The following SYNPO2L variants were observed in gnomAD, a reference collection of about 807,000 sequenced individuals.
The protein encoded by SYNPO2L is synaptopodin 2 like, also known as synaptopodin 2-like protein.
A neutral mutation model predicts 47.5 loss-of-function variants in SYNPO2L; 34 were observed. That is an observed-to-expected ratio of 0.72 (90% CI 0.54 to 0.95). SYNPO2L has a LOEUF of 0.95. Among genes scored for constraint, SYNPO2L ranks in the 40% least tolerant of loss-of-function variants. The probability of loss-of-function intolerance (pLI) is 0.00; values close to 1 mark genes in which losing one functional copy is unlikely to be tolerated. For missense variants in SYNPO2L, 1,246 were observed against 1,282.0 expected (o/e 0.97, Z 0.43); for synonymous variants, 536 against 524.9 (o/e 1.02, Z -0.29).
chr10:73,651,849 G>A (rs2081843331), intron 3 of SYNPO2L, among the ~76,000 whole-genome samples: 1 of 152,054 alleles, frequency 6.6e-6, no homozygotes, highest in South Asian at 2.1e-4. Context: ...GCCGAGGCGG[G>A]TGGATCACAA....
Position 73,655,993 on chromosome 10 carries a change from C to T in SYNPO2L, c.-71G>A. 1 of 1,337,056 alleles carries T rather than the reference C, an allele frequency of 7.5e-7. No homozygotes were observed. The highest frequency in any genetic ancestry group is 1.0e-6 in the Non-Finnish European group (1 of 980,030). 82.8% of individuals were successfully genotyped at this position (1,337,056 alleles called of 1,614,324 possible). ...GGAGAGAAGTTGAGGTGCTCGAACC[C>T]CGTCTGGGCTTCCTGTCCGGCTGTC... On this transcript the variant is annotated 5_prime_UTR_variant, in exon 1 of 4. Transcript: ENST00000394810.
chr10:73,647,054 C>T lies in SYNPO2L; in HGVS notation c.2598G>A (p.Glu866=), dbSNP rs1477575386. The T allele has an allele frequency of 8.1e-6, 13 of 1,613,754 alleles. No homozygotes were observed. Among genetic ancestry groups the T allele is most frequent in the Non-Finnish European group, 1.0e-5 (12 of 1,179,928 alleles). The part of the protein sequence containing the change: ...QLKTAMFCFD[E]VPPTPGPIAS... ...CGATAGGGCCAGGAGTCGGGGGAAC[C>T]TCATCAAAACAGAACATGGCAGTTT... Residue 866 remains glutamate, a synonymous_variant, in exon 4 of 4, where the codon GAG becomes GAA. Coordinates refer to ENST00000394810, the MANE Select transcript of SYNPO2L (RefSeq NM_001114133.3).
At chr10:73,650,587 CT>C (rs904287474) in intron 3 of SYNPO2L, 2 of 717,834 alleles carry the variant, frequency 2.8e-6, no homozygotes, top group African/African-American at 3.9e-5. Flanking sequence ...ACTATACTTT[CT>C]TGATATATAT....
At chr10:73,650,084 C>T (rs532567056) in intron 3 of SYNPO2L, 58 of 985,228 alleles carry the variant, frequency 5.9e-5, no homozygotes, top group Non-Finnish European at 6.7e-5. Flanking sequence ...TAGGTGGGGC[C>T]AGGAAATGGG....
intron 3 of SYNPO2L, among the ~76,000 whole-genome samples, 200 bp downstream of exon 3, chr10:73,652,939 C>G (rs1278194264): frequency 6.6e-6 from 1 of 152,218 alleles, no homozygotes; most frequent in Non-Finnish European, 1.5e-5. Context: ...AATCACCTTA[C>G]CCTTTTGCCA....
chr10:73,648,677 G>GTCC lies in SYNPO2L; in HGVS notation c.972_974dup (p.Glu324dup). 1.9e-6 allele frequency: 3 copies of GTCC among 1,610,166 alleles called. No homozygotes were observed. The highest frequency in any genetic ancestry group is 1.1e-5 in the South Asian group (1 of 91,012). On this transcript the variant is annotated inframe_insertion, in exon 4 of 4. Coordinates refer to ENST00000394810, the MANE Select transcript of SYNPO2L (RefSeq NM_001114133.3). ...CGGACTCACTCGTGGGGGGAACGCCGTCCTCCTCCTCAGCGCCTGTCCCAG... is the reference window on the plus strand; with the variant it reads ...CGGACTCACTCGTGGGGGGAACGCCGTCCTCCTCCTCCTCAGCGCCTGTCCCAG...
intron 3 of SYNPO2L, among the ~76,000 whole-genome samples, chr10:73,651,842 G>A (rs942940606): frequency 8.5e-5 from 13 of 152,164 alleles, no homozygotes; most frequent in African/African-American, 1.9e-4. Flanking sequence ...TTGGGAGGCC[G>A]AGGCGGGTGG....
In SYNPO2L at chr10:73,645,004, G is replaced by C; in HGVS notation, c.*1714C>G. On this transcript the variant is annotated 3_prime_UTR_variant, in exon 4 of 4. Coordinates refer to ENST00000394810, the MANE Select transcript of SYNPO2L (RefSeq NM_001114133.3). ...AAACGTAGCTGGTGGTGGTCTTGGT[G>C]AGAAGGGAGTCCATACTAAGATTGG... 8.0e-7 allele frequency: 1 copy of C among 1,251,526 alleles called. No homozygotes were observed. Among genetic ancestry groups the C allele is most frequent in the Non-Finnish European group, 1.0e-6 (1 of 970,038 alleles). 77.5% of individuals were successfully genotyped at this position (1,251,526 alleles called of 1,614,324 possible). A position where few individuals can be genotyped will look rare whatever the true frequency, so the allele number is the denominator to read the frequency against.
In SYNPO2L at chr10:73,650,111, G is replaced by A. The variant is rs1414340361; in HGVS notation, c.773-1232C>T. 2.1e-5 allele frequency: 21 copies of A among 985,272 alleles called. No homozygotes were observed. The South Asian group carries it at 5.2e-4, about 24-fold the overall frequency. 61.0% of individuals were successfully genotyped at this position (985,272 alleles called of 1,614,324 possible). On this transcript the variant is annotated intron_variant, in intron 3 of 3. Transcript: ENST00000394810. ...GGAAATGGGAGGGCTACCCTGCTGC[G>A]AGGACCCCGCCTTGCACATGGATAC...
At position 73,645,292 on chromosome 10, in the gene SYNPO2L, A is replaced by G; in HGVS notation, c.*1426T>C. 9.2e-7 allele frequency: 1 copy of G among 1,085,830 alleles called. No homozygotes were observed. The highest frequency in any genetic ancestry group is 1.1e-4 in the East Asian group (1 of 9,130). 67.3% of individuals were successfully genotyped at this position (1,085,830 alleles called of 1,614,324 possible). On this transcript the variant is annotated 3_prime_UTR_variant, in exon 4 of 4. Coordinates refer to ENST00000394810, the MANE Select transcript of SYNPO2L (RefSeq NM_001114133.3). Reference sequence around the variant, plus strand: ...ATTCTTCTCCCTCAAATTTTTTTCCAATCCCCCTCTCACACACGGTTGGTT... The same window carrying G: ...ATTCTTCTCCCTCAAATTTTTTTCCGATCCCCCTCTCACACACGGTTGGTT...
Position 73,653,466 on chromosome 10 carries a change from C to G in SYNPO2L, c.445G>C (p.Ala149Pro). The change falls in exon 3 of 4, where the codon GCC becomes CCC. Residue 149 changes from alanine (A) to proline (P), a missense_variant. Coordinates refer to ENST00000394810, the MANE Select transcript of SYNPO2L (RefSeq NM_001114133.3). ...GGTCGACGGGGCTTCTCCTGGGTGG[C>G]AGGGCCATCAGCATCACTGTCAGTC... Reference protein sequence around the residue: ...GETDSDADGPATQEKPRRPRR... With the variant: ...GETDSDADGPPTQEKPRRPRR... 3 of 1,551,564 alleles carry G rather than the reference C, an allele frequency of 1.9e-6. No individual in the cohort carries two copies. Among genetic ancestry groups the G allele is most frequent in the Non-Finnish European group, 2.6e-6 (3 of 1,146,856 alleles).
rs774917997 is a variant in SYNPO2L at position 73,647,018 on chromosome 10, G to A, written c.2634C>T (p.Ser878=). ...TCTCCTGGACTCGGGCAGTTTTGGG[G>A]GACCCTGAGGCGATAGGGCCAGGAG... The part of the protein sequence containing the change: ...PPTPGPIASG[S]PKTARVQEIR... The change falls in exon 4 of 4, where the codon TCC becomes TCT. Residue 878 remains serine, a synonymous_variant. Transcript: ENST00000394810. 3 of 1,613,414 alleles carry A rather than the reference G, an allele frequency of 1.9e-6. No homozygotes were observed. Among genetic ancestry groups the A allele is most frequent in the African/African-American group, 1.3e-5 (1 of 74,918 alleles).
rs1456367923 is a variant in SYNPO2L, at chr10:73,654,291, G to A, written c.106-11C>T. On this transcript the variant is annotated splice_polypyrimidine_tract_variant and intron_variant, in intron 1 of 3. Transcript: ENST00000394810. ...GCTCCGTCTTCGAATCTGAGATGTT[G>A]AAGGAGACACTGTAGGTAAGAGGGG... 5 of 1,551,346 alleles carry A rather than the reference G, an allele frequency of 3.2e-6. No homozygotes were observed. Among genetic ancestry groups the A allele is most frequent in the Non-Finnish European group, 4.4e-6 (5 of 1,146,940 alleles).
chr10:73,647,247 GAAT>G lies in SYNPO2L; in HGVS notation c.2402_2404del (p.Tyr801del). 6.2e-7 allele frequency: 1 copy of G among 1,614,034 alleles called. No individual in the cohort carries two copies. The highest frequency in any genetic ancestry group is 8.5e-7 in the Non-Finnish European group (1 of 1,179,976). On this transcript the variant is annotated inframe_deletion, in exon 4 of 4. Coordinates refer to ENST00000394810, the MANE Select transcript of SYNPO2L (RefSeq NM_001114133.3). Reference sequence around the variant, plus strand: ...AGGAGGCGGGGCACGGATGTTGGGTGAATATTTCCAGGAAGGGGGCAGAGACGG... The same window carrying G: ...AGGAGGCGGGGCACGGATGTTGGGTGATTTCCAGGAAGGGGGCAGAGACGG...
In SYNPO2L at chr10:73,648,553, T is replaced by A; in HGVS notation, c.1099A>T (p.Arg367Ter). The change falls in exon 4 of 4, where the codon AGA becomes TGA. Residue 367 changes from arginine to a stop codon, truncating the protein, a stop_gained. Transcript: ENST00000394810. LOFTEE classifies it low-confidence loss of function (END_TRUNC). Reference protein sequence around the residue: ...LDMELARAGSRASEGQGSGLG... With the variant: ...LDMELARAGS ...CCAGAGCCCTGGCCCTCTGATGCTC[T>A]TGAGCCCGCCCTGGCAAGCTCCATG... The A allele has an allele frequency of 6.2e-7, 1 of 1,614,204 alleles. No homozygotes were observed.
At position 73,647,621 on chromosome 10, in the gene SYNPO2L, C is replaced by T. The variant is rs2081778372; in HGVS notation, c.2031G>A (p.Leu677=). The stretch of plus-strand genomic sequence containing the variant: ...AGTTGCAGGCTTCAGCCCCGAGGCT[C>T]AGAGCATCTTCTTCAGGACCAGATT... ...GAESGPEEDA[L]SLGAEACNFM... The change falls in exon 4 of 4, where the codon CTG becomes CTA. Residue 677 remains leucine, a synonymous_variant. Coordinates refer to ENST00000394810, the MANE Select transcript of SYNPO2L (RefSeq NM_001114133.3). 1.2e-6 allele frequency: 2 copies of T among 1,614,192 alleles called. No homozygotes were observed. Among genetic ancestry groups the T allele is most frequent in the East Asian group, 4.5e-5 (2 of 44,882 alleles).
At position 73,648,243 on chromosome 10, in the gene SYNPO2L, G is replaced by A; in HGVS notation, c.1409C>T (p.Pro470Leu). The A allele has an allele frequency of 6.3e-7, 1 of 1,594,052 alleles. No individual in the cohort carries two copies. The highest frequency in any genetic ancestry group is 8.5e-7 in the Non-Finnish European group (1 of 1,173,984). The change falls in exon 4 of 4, where the codon CCC (proline) becomes CTC (leucine). Residue 470 changes from proline (P) to leucine (L), a missense_variant. Physicochemically the swap from Pro to Leu is moderately conservative, Grantham distance 98. Coordinates refer to ENST00000394810, the MANE Select transcript of SYNPO2L (RefSeq NM_001114133.3). ...APSIFNRSAR[P>L]FTPGLQGQRP... ...CTGCCCTTGTAGGCCCGGGGTAAAGGGCCTGGCTGACCGGTTAAAGATGCT... is the reference window on the plus strand; with the variant it reads ...CTGCCCTTGTAGGCCCGGGGTAAAGAGCCTGGCTGACCGGTTAAAGATGCT...
chr10:73,650,888 T>C (rs760664253), intron 3 of SYNPO2L: 4 of 1,597,140 alleles, frequency 2.5e-6, no homozygotes, highest in East Asian at 4.5e-5. Flanking sequence ...CAGACTCTCA[T>C]AGATATGGGA....
chr10:73,652,050 G>A (rs1425184491), intron 3 of SYNPO2L, among the ~76,000 whole-genome samples: 2 of 112,390 alleles, frequency 1.8e-5, no homozygotes, highest in African/African-American at 3.5e-5. Flanking sequence ...CCGGGTGACA[G>A]TGCAAGACTC....
Sources: gnomAD v4.1 joint callset for allele counts (sites outside exome capture counted in the v4.1 genomes callset) on GRCh38, gnomAD v4.1.1 for gene constraint, MANE v1.5 for transcripts, NCBI Gene and HGNC (gene_info 2026-07-23, HGNC 2026-07-21) for gene names.